The following RCC1 variants were observed in gnomAD, a reference collection of about 807,000 sequenced individuals.
The protein encoded by RCC1 is regulator of chromosome condensation.
A neutral mutation model predicts 44.4 loss-of-function variants in RCC1; 11 were observed. The observed-to-expected ratio is 0.25, with a 90% CI of 0.16 to 0.41. The LOEUF (loss-of-function observed/expected upper bound fraction) is 0.41, where lower values mean the gene tolerates loss of function less well. Among genes scored for constraint, RCC1 ranks in the 10% least tolerant of loss-of-function variants. The probability of loss-of-function intolerance (pLI) is 1.00; values close to 1 mark genes in which losing one functional copy is unlikely to be tolerated. For synonymous variants in RCC1, 213 were observed against 216.5 expected (o/e 0.98, Z 0.14); for missense variants, 386 against 547.1 (o/e 0.71, Z 2.94).
chr1:28,515,747 TAAA>T (rs1662859563), intron 3 of RCC1, among the ~76,000 whole-genome samples: 1 of 150,246 alleles, frequency 6.7e-6, no homozygotes, highest in African/African-American at 2.5e-5. Flanking sequence ...AATACAAAAC[TAAA>T]AAAATAAAAA....
chr1:28,532,847 C>T (rs772141809), intron 7 of RCC1: 1 of 403,734 alleles, frequency 2.5e-6, no homozygotes, highest in South Asian at 1.8e-5. Context: ...TGGAGTTTCA[C>T]TCTTGTTGCC....
rs75328335 is a variant in RCC1, at chr1:28,507,978, G to A, written c.-261-150G>A. The A allele has an allele frequency of 0.012, 3,554 of 294,134 alleles. 182 individuals are homozygous for A. The East Asian group carries it at 0.14, about 12-fold the overall frequency. 18.2% of individuals were successfully genotyped at this position (294,134 alleles called of 1,614,324 possible). A position where few individuals can be genotyped will look rare whatever the true frequency, so the allele number is the denominator to read the frequency against. On this transcript the variant is annotated intron_variant, in intron 1 of 12. Coordinates refer to ENST00000683442, the MANE Select transcript of RCC1 (RefSeq NM_001381865.2). ...CCAGGCATGATGATAGGTAGCTGGA[G>A]GAAGGAGAATCGCTGGAGCCCAGGA...
At chr1:28,508,411 A>G in intron 2 of RCC1, 2 of 371,366 alleles carry the variant, frequency 5.4e-6, no homozygotes, top group Non-Finnish European at 1.1e-5. Flanking sequence ...CAAAGTAGTA[A>G]AAGCTGCCCT....
chr1:28,537,763 G>A (rs1664640097), intron 12 of RCC1, 69 bp from the exon 13 acceptor site: 10 of 1,493,452 alleles, frequency 6.7e-6, no homozygotes, highest in South Asian at 1.3e-5. Flanking sequence ...CATGTCCCAG[G>A]TTTCTCCTGC....
chr1:28,516,187 G>C (rs531876664), intron 3 of RCC1, among the ~76,000 whole-genome samples: 5 of 150,602 alleles, frequency 3.3e-5, no homozygotes, highest in Admixed American at 6.6e-5. Context: ...GATCAGCCTG[G>C]CCAACATGGA....
chr1:28,506,141 AATGCTATAG>A (rs1661898549), intron 1 of RCC1, 57 bp downstream of exon 1: 2 of 453,782 alleles, frequency 4.4e-6, no homozygotes, highest in African/African-American at 4.0e-5. Flanking sequence ...TTGTGGGTCT[AATGCTATAG>A]ATCAGTAGCC....
chr1:28,516,952 C>A (rs1165827514), intron 4 of RCC1, 85 bp downstream of exon 4: 2 of 441,470 alleles, frequency 4.5e-6, no homozygotes, highest in African/African-American at 2.0e-5. Context: ...GAAACCCAGT[C>A]TCTACTAAAA....
intron 4 of RCC1, among the ~76,000 whole-genome samples, chr1:28,519,788 G>A (rs966334641): frequency 6.6e-6 from 1 of 151,396 alleles, no homozygotes; most frequent in Non-Finnish European, 1.5e-5. Flanking sequence ...GGCCAGGCTG[G>A]TCTTGAACTC....
At chr1:28,517,356 C>T (rs1056188374) in intron 4 of RCC1, among the ~76,000 whole-genome samples, 1 of 152,064 alleles carries the variant, frequency 6.6e-6, no homozygotes, top group Non-Finnish European at 1.5e-5. Context: ...CTAACCCAAC[C>T]CCAACTCACA....
At chr1:28,530,840 G>A (rs562570577) in intron 5 of RCC1, among the ~76,000 whole-genome samples, 14 of 152,332 alleles carry the variant, frequency 9.2e-5, no homozygotes, top group African/African-American at 2.9e-4. Flanking sequence ...GGAAGAGTCC[G>A]TTTCTGCAGT....
chr1:28,529,697 CTG>C (rs113205744), intron 4 of RCC1, among the ~76,000 whole-genome samples, 159 bp from the exon 5 acceptor site: 12,464 of 152,010 alleles, frequency 0.082, 1,019 homozygotes, highest in African/African-American at 0.22. Context: ...TGTAATTAAT[CTG>C]TGGGTGCATC....
rs56261878 is a variant in RCC1 at position 28,528,009 on chromosome 1, C to CAAAA, written c.-9-1833_-9-1830dup. On this transcript the variant is annotated intron_variant, in intron 4 of 12. Transcript: ENST00000683442. Reference sequence around the variant, plus strand: ...GGGCAATAAGAACAAAACTCTGCTTCAAAAAAAAAAAAAAAAAAACATGTA... The same window carrying CAAAA: ...GGGCAATAAGAACAAAACTCTGCTTCAAAAAAAAAAAAAAAAAAAAAAACATGTA... Among the ~76,000 whole-genome samples the CAAAA allele has an allele frequency of 4.6e-3, 445 of 97,594 alleles. 2 individuals are homozygous for CAAAA. Among genetic ancestry groups the CAAAA allele is most frequent in the African/African-American group, 0.014 (411 of 29,148 alleles). 64.0% of individuals were successfully genotyped at this position (97,594 alleles called of 152,430 possible). A position where few individuals can be genotyped will look rare whatever the true frequency, so the allele number is the denominator to read the frequency against.
intron 4 of RCC1, among the ~76,000 whole-genome samples, chr1:28,517,800 T>C (rs1662983225): frequency 6.6e-6 from 1 of 152,122 alleles, no homozygotes; most frequent in South Asian, 2.1e-4. Context: ...TCTCCTAGGA[T>C]GTCCTGCCCC....
At chr1:28,527,185 C>A in intron 4 of RCC1, 1 of 1,175,020 alleles carries the variant, frequency 8.5e-7, no homozygotes, top group South Asian at 1.3e-5. Flanking sequence ...ACTCACATGC[C>A]GGGCAACTGA....
chr1:28,530,383 G>A (rs1185101159), intron 5 of RCC1: 1 of 693,786 alleles, frequency 1.4e-6, no homozygotes, highest in Non-Finnish European at 2.4e-6. Flanking sequence ...ATGAGATAAT[G>A]GCCTGGCAGC....
rs140173295 is a variant in RCC1 at position 28,523,473 on chromosome 1, G to A, written c.-9-6385G>A. Reference sequence around the variant, plus strand: ...AGAGTGGGATCATTGTGGCCAGCTTGTAGTGAAACGCTCCAGAATATTAGC... The same window carrying A: ...AGAGTGGGATCATTGTGGCCAGCTTATAGTGAAACGCTCCAGAATATTAGC... On this transcript the variant is annotated intron_variant, in intron 4 of 12. Transcript: ENST00000683442. 4.5e-3 allele frequency among the ~76,000 whole-genome samples: 692 copies of A among 152,296 alleles called. 8 individuals are homozygous for A. Among genetic ancestry groups the A allele is most frequent in the Non-Finnish European group, 8.0e-3 (546 of 68,032 alleles).
intron 1 of RCC1, chr1:28,507,106 TTTCATTTGAA>T (rs1662013968): frequency 4.4e-6 from 1 of 229,820 alleles, no homozygotes; most frequent in African/African-American, 2.3e-5. Context: ...AGTCCACGTG[TTTCATTTGAA>T]TTTAGGATAG....
chr1:28,506,710 G>C (rs958032639), intron 1 of RCC1: 2 of 158,068 alleles, frequency 1.3e-5, no homozygotes, highest in Non-Finnish European at 2.8e-5. Flanking sequence ...ATTGCACACA[G>C]TTTTATTCTG....
rs140209025 is a variant in RCC1 at position 28,515,697 on chromosome 1, A to G, written c.-152-1028A>G. 5.1e-3 allele frequency among the ~76,000 whole-genome samples: 776 copies of G among 152,128 alleles called. 6 individuals are homozygous for G. The highest frequency in any genetic ancestry group is 0.018 in the African/African-American group (727 of 41,528). On this transcript the variant is annotated intron_variant, in intron 3 of 12. Transcript: ENST00000683442. ...GCACCACTGCACTCCAGCCTGGGCA[A>G]CAGAATGAGACTCCATCTCAAAATA...
Sources: allele counts gnomAD v4.1 joint callset (sites outside exome capture counted in the v4.1 genomes callset), GRCh38; gene constraint gnomAD v4.1.1; transcripts MANE v1.5; gene names NCBI Gene and HGNC (gene_info 2026-07-23, HGNC 2026-07-21).